The following SLC47A2 variants were observed in gnomAD, a reference collection of about 807,000 sequenced individuals.
SLC47A2 encodes the protein multidrug and toxin extrusion protein 2.
Under a neutral mutation model 67.7 loss-of-function variants are expected in SLC47A2, and 52 were observed. The observed-to-expected ratio is 0.77, with a 90% CI of 0.61 to 0.97. The LOEUF is 0.97. SLC47A2 is among the 50% of genes least tolerant of loss of function. SLC47A2 has a pLI of 0.00. For synonymous variants in SLC47A2, 278 were observed against 292.9 expected (o/e 0.95, Z 0.52); for missense variants, 676 against 712.3 (o/e 0.95, Z 0.58).
intron 11 of SLC47A2, among the ~76,000 whole-genome samples, chr17:19,703,544 A>G (rs2085845493): frequency 6.6e-6 from 1 of 152,236 alleles, no homozygotes; most frequent in Non-Finnish European, 1.5e-5. Flanking sequence ...ATTCCAGCGC[A>G]GGCTACAGCC....
chr17:19,708,796 A>G, intron 5 of SLC47A2, 36 bp from the exon 6 acceptor site: 5 of 1,612,266 alleles, frequency 3.1e-6, no homozygotes, highest in Non-Finnish European at 4.2e-6. Flanking sequence ...ATCAACAATA[A>G]TGACCAAAAC....
rs186111598 is a variant in SLC47A2 at position 19,694,799 on chromosome 17, C to T, written c.1164+7806G>A. 3.7e-3 allele frequency among the ~76,000 whole-genome samples: 569 copies of T among 151,954 alleles called. 2 individuals are homozygous for T. The highest frequency in any genetic ancestry group is 6.7e-3 in the Non-Finnish European group (458 of 67,982). ...GACGAGGTGGCACACACCTGTAGTC[C>T]CAGCTACTCAGGAGGCTGAGGCAGA... On this transcript the variant is annotated intron_variant, in intron 13 of 16. Coordinates refer to ENST00000433844, the MANE Select transcript of SLC47A2 (RefSeq NM_001099646.3).
At chr17:19,704,268 G>A (rs1012468867) in intron 10 of SLC47A2, 90 bp from the exon 11 acceptor site, 26 of 1,044,134 alleles carry the variant, frequency 2.5e-5, no homozygotes, top group Non-Finnish European at 3.3e-5. Flanking sequence ...GGACGTGAGC[G>A]GGAAGGCAGA....
chr17:19,682,358 CA>C (rs2085334328), intron 13 of SLC47A2, among the ~76,000 whole-genome samples: 1 of 151,082 alleles, frequency 6.6e-6, no homozygotes, highest in African/African-American at 2.5e-5. Flanking sequence ...CACACACACA[CA>C]CACACAAATT....
rs562230112 is a variant in SLC47A2 at position 19,683,053 on chromosome 17, G to T, written c.1165-1383C>A. Among the ~76,000 whole-genome samples, 22 of 152,324 alleles carry T rather than the reference G, an allele frequency of 1.4e-4. No individual in the cohort carries two copies. The East Asian group carries it at 3.9e-3, about 27-fold the overall frequency. Reference sequence around the variant, plus strand: ...ACAAAGAGGTAATGCACTGGGGTTAGGAGATGTATGCCTCTTGAACTTTGT... The same window carrying T: ...ACAAAGAGGTAATGCACTGGGGTTATGAGATGTATGCCTCTTGAACTTTGT... On this transcript the variant is annotated intron_variant, in intron 13 of 16. Coordinates refer to ENST00000433844, the MANE Select transcript of SLC47A2 (RefSeq NM_001099646.3).
rs2152363425 is a variant in SLC47A2 at position 19,713,903 on chromosome 17, C to T, written c.365G>A (p.Cys122Tyr). 1 of 1,613,788 alleles carries T rather than the reference C, an allele frequency of 6.2e-7. No homozygotes were observed. The highest frequency in any genetic ancestry group is 2.2e-5 in the East Asian group (1 of 44,862). ...GAAGAGCGCCCAGCAAGGGAGGCAG[C>T]AGAGGAGCAGGACCAGCGCGCCCCG... ...LQRGALVLLL[C>Y]CLPCWALFLN... Residue 122 changes from cysteine (C) to tyrosine (Y), a missense_variant, in exon 4 of 17, where the codon TGC becomes TAC. Physicochemically the swap from Cys to Tyr is radical, Grantham distance 194. Transcript: ENST00000433844.
rs368713251 is a variant in SLC47A2 at position 19,688,079 on chromosome 17, C to CAA, written c.1165-6411_1165-6410dup. Among the ~76,000 whole-genome samples, 311 of 151,556 alleles carry CAA rather than the reference C, an allele frequency of 2.1e-3. 4 individuals are homozygous for CAA. In the East Asian group the frequency reaches 0.048, roughly 23 times the overall value. On this transcript the variant is annotated intron_variant, in intron 13 of 16. Coordinates refer to ENST00000433844, the MANE Select transcript of SLC47A2 (RefSeq NM_001099646.3). The stretch of plus-strand genomic sequence containing the variant: ...CTTGATACCAAAACCAAAGACACAT[C>CAA]AAAAAAAAGAAAACTACAGACCAGT...
At chr17:19,679,541 C>A (rs1306329835) in intron 16 of SLC47A2, among the ~76,000 whole-genome samples, 1 of 152,138 alleles carries the variant, frequency 6.6e-6, no homozygotes, top group Non-Finnish European at 1.5e-5. Flanking sequence ...CCAGGCTCCC[C>A]ACAAGTTAAA....
intron 7 of SLC47A2, 105 bp downstream of exon 7, chr17:19,708,197 G>T (rs1359047918): frequency 1.5e-6 from 2 of 1,320,310 alleles, no homozygotes; most frequent in Non-Finnish European, 2.1e-6. Context: ...TCCACTTCAG[G>T]ACGGCACAGG....
At chr17:19,697,979 G>A (rs1289811509) in intron 13 of SLC47A2, among the ~76,000 whole-genome samples, 2 of 152,034 alleles carry the variant, frequency 1.3e-5, no homozygotes, top group Non-Finnish European at 2.9e-5. Context: ...ACACAAAAAG[G>A]GGCTCGTCAT....
At position 19,706,717 on chromosome 17, in the gene SLC47A2, G is replaced by T. The variant is rs764953270; in HGVS notation, c.772C>A (p.Leu258Met). 5 of 1,611,254 alleles carry T rather than the reference G, an allele frequency of 3.1e-6. No homozygotes were observed. Among genetic ancestry groups the T allele is most frequent in the Non-Finnish European group, 4.2e-6 (5 of 1,179,302 alleles). Residue 258 changes from leucine (L) to methionine (M), a missense_variant, in exon 9 of 17, where the codon CTG (leucine) becomes ATG (methionine). Leu to Met is a conservative substitution (Grantham distance 15, BLOSUM62 2). Transcript: ENST00000433844. ...CLQDWGPFFSLAVPSMLMICV... is the reference protein window; with the variant it reads ...CLQDWGPFFSMAVPSMLMICV... ...ATCATGAGCATGCTGGGGACAGCCA[G>T]GGAGAAGAAGGGGCCCCAGTCCTGC... is the stretch of plus-strand genomic sequence containing the variant.
chr17:19,702,608 G>C lies in SLC47A2; in HGVS notation c.1161C>G (p.Ile387Met), dbSNP rs143935395. Residue 387 changes from isoleucine to methionine, a missense_variant, in exon 13 of 17, where the codon ATC becomes ATG. Physicochemically the swap from Ile to Met is conservative, Grantham distance 10 (BLOSUM62 1). Transcript: ENST00000433844. ...TTTGGATCAAAGTGGTACTTACACA[G>C]ATGGCCTCAAACACGTGAAAGACAC... The part of the protein sequence containing the change: ...VYSVFHVFEA[I>M]CCVYGGVLRG... 1.8e-5 allele frequency: 29 copies of C among 1,613,778 alleles called. No individual in the cohort carries two copies. The African/African-American group carries it at 3.5e-4, about 19-fold the overall frequency.
At chr17:19,714,996 C>T (rs2152364627) in intron 2 of SLC47A2, 120 bp downstream of exon 2, 1 of 1,304,074 alleles carries the variant, frequency 7.7e-7, no homozygotes, top group Non-Finnish European at 1.1e-6. Flanking sequence ...GGCAGCTGTC[C>T]AGCCACGTGG....
In SLC47A2 at chr17:19,705,503, C is replaced by T. The variant is rs1287878236; in HGVS notation, c.842G>A (p.Gly281Glu). 6.2e-7 allele frequency: 1 copy of T among 1,603,602 alleles called. No homozygotes were observed. The change falls in exon 10 of 17, where the codon GGG becomes GAG. Residue 281 changes from glycine to glutamate, a missense_variant and splice_region_variant. Gly to Glu is a moderately conservative substitution (Grantham distance 98). Transcript: ENST00000433844. The stretch of plus-strand genomic sequence containing the variant: ...AGAGAGATCCACCACACTGAGCAGC[C>T]CTAGAGAAGAGGCCCGCCGTGAGTC... ...WAYEIGSFLM[G>E]LLSVVDLSAQ...
intron 3 of SLC47A2, 141 bp from the exon 4 acceptor site, chr17:19,714,114 G>T: frequency 8.8e-7 from 1 of 1,129,972 alleles, no homozygotes; most frequent in Non-Finnish European, 1.2e-6. Context: ...GGCGCCCGCA[G>T]CCTGTAATGG....
At chr17:19,683,959 C>T (rs568860656) in intron 13 of SLC47A2, among the ~76,000 whole-genome samples, 1 of 152,322 alleles carries the variant, frequency 6.6e-6, no homozygotes, top group East Asian at 1.9e-4. Flanking sequence ...AGACAGGAGT[C>T]ACAGAATCAG....
intron 7 of SLC47A2, 34 bp downstream of exon 7, chr17:19,708,268 C>A: frequency 1.9e-6 from 3 of 1,607,530 alleles, no homozygotes; most frequent in Non-Finnish European, 2.5e-6. Flanking sequence ...TGGGCAGTGT[C>A]CCCTGACCAG....
intron 13 of SLC47A2, among the ~76,000 whole-genome samples, chr17:19,686,703 T>G (rs939042611): frequency 2.0e-5 from 3 of 152,128 alleles, no homozygotes; most frequent in African/African-American, 7.2e-5. Flanking sequence ...AGAGACAAGG[T>G]CATTGTATAA....
Position 19,702,215 on chromosome 17 carries a change from G to A in SLC47A2, c.1164+390C>T, listed in dbSNP as rs191066651. 3.5e-3 allele frequency: 3,430 copies of A among 985,282 alleles called. 8 individuals carry two copies. The highest frequency in any genetic ancestry group is 3.8e-3 in the Non-Finnish European group (3,143 of 829,914). 61.0% of individuals were successfully genotyped at this position (985,282 alleles called of 1,614,324 possible). On this transcript the variant is annotated intron_variant, in intron 13 of 16. Coordinates refer to ENST00000433844, the MANE Select transcript of SLC47A2 (RefSeq NM_001099646.3). ...TTCCTTCTGTGTTCTGGGTGGGCTC[G>A]TTCCCTTGTAGAAATGTCCCTCTGT...
Sources: gnomAD v4.1 joint callset for allele counts (sites outside exome capture counted in the v4.1 genomes callset) on GRCh38, gnomAD v4.1.1 for gene constraint, MANE v1.5 for transcripts, NCBI Gene and HGNC (gene_info 2026-07-23, HGNC 2026-07-21) for gene names.